FAM83F: variants seen among roughly 807,000 people sequenced by gnomAD.
The protein encoded by FAM83F is protein FAM83F.
In FAM83F, 45 loss-of-function variants were observed where a neutral mutation model predicts 42.9. The ratio of observed to expected loss-of-function variants is 1.05; its 90% CI spans 0.83 to 1.35. The LOEUF (loss-of-function observed/expected upper bound fraction) is 1.35. FAM83F is among the 40% of genes most tolerant of loss of function. The pLI is 0.00. For synonymous variants in FAM83F, 306 were observed against 298.3 expected, an observed-to-expected ratio of 1.03 and a Z score of -0.27; for missense variants, 617 against 695.9, an observed-to-expected ratio of 0.89 and a Z score of 1.28.
intron 1 of FAM83F, among the ~76,000 whole-genome samples, chr22:40,004,158 T>TG (rs781355852): frequency 3.0e-4 from 46 of 152,046 alleles, no homozygotes; most frequent in African/African-American, 1.0e-3. Context: ...TTAAGTCTAA[T>TG]GGGGGGTGAC....
Position 40,023,854 on chromosome 22 carries a change from G to A in FAM83F, c.1453+1891G>A, listed in dbSNP as rs2067535599. Among the ~76,000 whole-genome samples, 1 of 152,146 alleles carries A rather than the reference G, an allele frequency of 6.6e-6. No homozygotes were observed. The highest frequency in any genetic ancestry group is 2.1e-4 in the South Asian group (1 of 4,820). On this transcript the variant is annotated intron_variant, in intron 4 of 4. Transcript: ENST00000333407. This position sits in a 1 kb window ranked among gnomAD's most constrained non-coding sequence, Gnocchi z 4.1. ...CGGGGATGCCCGGAACCATCATCCC[G>A]TTCCTTGTCCGTCCTTTAGACGAAC...
intron 4 of FAM83F, among the ~76,000 whole-genome samples, chr22:40,028,448 G>C (rs1182520252): frequency 1.3e-5 from 2 of 152,212 alleles, no homozygotes; most frequent in African/African-American, 4.8e-5. Context: ...GCTGTGTGGA[G>C]GGGAACTGGC....
chr22:40,025,856 C>A (rs550327206), intron 4 of FAM83F, among the ~76,000 whole-genome samples: 3 of 152,326 alleles, frequency 2.0e-5, no homozygotes, highest in Admixed American at 6.5e-5. Context: ...CCAGCCGACT[C>A]CGTGGCGACT....
intron 1 of FAM83F, among the ~76,000 whole-genome samples, chr22:40,006,010 C>T (rs1005546459): frequency 5.9e-5 from 9 of 152,120 alleles, no homozygotes; most frequent in East Asian, 3.9e-4. Context: ...GAGGCCGAGG[C>T]GGGCAGATCA....
At chr22:40,017,062 A>C (rs1297887183) in intron 1 of FAM83F, among the ~76,000 whole-genome samples, 2 of 151,994 alleles carry the variant, frequency 1.3e-5, no homozygotes, top group Non-Finnish European at 2.9e-5. Flanking sequence ...TTTGTTTCTC[A>C]AAATGTAAGA....
chr22:40,028,581 C>T (rs2067568094), intron 4 of FAM83F, among the ~76,000 whole-genome samples: 2 of 152,284 alleles, frequency 1.3e-5, no homozygotes, highest in East Asian at 3.9e-4. Context: ...TCGCTACTCC[C>T]CTGCACTCCC....
intron 1 of FAM83F, among the ~76,000 whole-genome samples, chr22:40,018,269 C>T (rs544879219): frequency 6.6e-6 from 1 of 152,264 alleles, no homozygotes; most frequent in Admixed American, 6.5e-5. Flanking sequence ...AGGCCATCAG[C>T]GCATCCAGGC....
At chr22:40,003,080 A>C (rs1003878592) in intron 1 of FAM83F, among the ~76,000 whole-genome samples, 1 of 152,122 alleles carries the variant, frequency 6.6e-6, no homozygotes, top group Admixed American at 6.5e-5. Flanking sequence ...CAAAGTCTGT[A>C]TGTCGCCAGC....
intron 1 of FAM83F, among the ~76,000 whole-genome samples, chr22:40,002,847 G>A (rs1003522834): frequency 6.6e-6 from 1 of 152,174 alleles, no homozygotes; most frequent in Non-Finnish European, 1.5e-5. Flanking sequence ...TGACAGGATC[G>A]GTGCCCTGTG....
chr22:40,022,022 C>T (rs1018618515), intron 4 of FAM83F, 59 bp downstream of exon 4: 56 of 1,413,984 alleles, frequency 4.0e-5, no homozygotes, highest in Non-Finnish European at 4.7e-5. Flanking sequence ...CGCCCCGCAT[C>T]GGCTCTTATC....
chr22:40,018,747 A>G (rs184314626), intron 1 of FAM83F, among the ~76,000 whole-genome samples: 1 of 152,124 alleles, frequency 6.6e-6, no homozygotes, highest in East Asian at 1.9e-4. Flanking sequence ...GCCCGCTACC[A>G]TGCCCAGCCC....
At position 39,995,331 on chromosome 22, in the gene FAM83F, G is replaced by T; in HGVS notation, c.289G>T (p.Ala97Ser). 1 of 1,539,796 alleles carries T rather than the reference G, an allele frequency of 6.5e-7. No homozygotes were observed. The highest frequency in any genetic ancestry group is 8.7e-7 in the Non-Finnish European group (1 of 1,146,006). Residue 97 changes from alanine (A) to serine (S), a missense_variant, in exon 1 of 5, where the codon GCG becomes TCG. Transcript: ENST00000333407. This position sits in a 1 kb window ranked among gnomAD's most constrained non-coding sequence, Gnocchi z 4.6. ...SKAKAKAPAP[A>S]PAESGESLAY... The stretch of plus-strand genomic sequence containing the variant: ...GGCCAAGGCCAAGGCCCCCGCGCCG[G>T]CGCCGGCTGAGTCCGGCGAGTCCCT...
At chr22:39,999,762 T>G (rs2067389492) in intron 1 of FAM83F, among the ~76,000 whole-genome samples, 1 of 152,164 alleles carries the variant, frequency 6.6e-6, no homozygotes, top group Admixed American at 6.5e-5. Context: ...GCTGCTTCTA[T>G]TTTTATTCCT....
At chr22:39,998,835 G>T (rs2067383517) in intron 1 of FAM83F, 1 of 152,158 alleles carries the variant, frequency 6.6e-6, no homozygotes, top group South Asian at 2.1e-4. Flanking sequence ...ATGATCTCCT[G>T]ACCTATGCTA....
At chr22:40,009,070 C>T (rs1021678798) in intron 1 of FAM83F, among the ~76,000 whole-genome samples, 2 of 152,188 alleles carry the variant, frequency 1.3e-5, no homozygotes, top group African/African-American at 4.8e-5. Flanking sequence ...AACGATCCCT[C>T]ATAACTGCAC....
At chr22:40,000,608 C>A (rs76252852) in intron 1 of FAM83F, among the ~76,000 whole-genome samples, 4 of 151,850 alleles carry the variant, frequency 2.6e-5, no homozygotes, top group African/African-American at 7.3e-5. Flanking sequence ...AGCAGATGCC[C>A]AAAAAAACCC....
chr22:40,020,357 A>ATTTTTTT (rs552816341), intron 3 of FAM83F, among the ~76,000 whole-genome samples: 2 of 116,404 alleles, frequency 1.7e-5, no homozygotes, highest in Non-Finnish European at 1.8e-5. Flanking sequence ...TGTCGCCAGA[A>ATTTTTTT]TTTTTTTTTT....
rs2146253963 is a variant in FAM83F at position 40,041,099 on chromosome 22, G to T, written c.*11534G>T. The T allele has an allele frequency of 6.6e-6, 1 of 152,312 alleles. No homozygotes were observed. The highest frequency in any genetic ancestry group is 1.9e-4 in the East Asian group (1 of 5,170). The allele number at this position is 152,312 out of a possible 1,614,324, so 9.4% of individuals were successfully genotyped here. A position where few individuals can be genotyped will look rare whatever the true frequency, so the allele number is the denominator to read the frequency against. On this transcript the variant is annotated 3_prime_UTR_variant, in exon 5 of 5. Transcript: ENST00000333407. Reference sequence around the variant, plus strand: ...GGCCTGTTGCTTGAGATGGCTCAGAGCACTTTTGGTAGCCAGCCAAGGCAG... The same window carrying T: ...GGCCTGTTGCTTGAGATGGCTCAGATCACTTTTGGTAGCCAGCCAAGGCAG...
chr22:40,011,908 T>C lies in FAM83F; in HGVS notation c.490-7260T>C, dbSNP rs1173045246. Among the ~76,000 whole-genome samples, 6 of 152,204 alleles carry C rather than the reference T, an allele frequency of 3.9e-5. No homozygotes were observed. In the East Asian group the frequency reaches 9.6e-4, roughly 24 times the overall value. The stretch of plus-strand genomic sequence containing the variant: ...GGCCAAGAGTGGCTTTGCTGGCTTG[T>C]AGCGGTGCACTTGCTTAAATCCACT... On this transcript the variant is annotated intron_variant, in intron 1 of 4. Coordinates refer to ENST00000333407, the MANE Select transcript of FAM83F (RefSeq NM_138435.4).
Sources: gnomAD v4.1 joint callset for allele counts (sites outside exome capture counted in the v4.1 genomes callset) on GRCh38, gnomAD v4.1.1 for gene constraint, Gnocchi (gnomAD v3.1) non-coding constraint, MANE v1.5 for transcripts, NCBI Gene and HGNC (gene_info 2026-07-23, HGNC 2026-07-21) for gene names.